CUTA: variants seen among roughly 807,000 people sequenced by gnomAD.
The protein encoded by CUTA is protein CutA.
Under a neutral mutation model 20.7 loss-of-function variants are expected in CUTA, and 21 were observed. The ratio of observed to expected loss-of-function variants is 1.01; its 90% CI spans 0.72 to 1.46. The LOEUF is 1.46. Among genes scored for constraint, CUTA ranks in the 40% most tolerant of loss-of-function variants. CUTA has a pLI of 0.00. For synonymous variants in CUTA, 99 were observed against 97.9 expected (o/e 1.01, Z -0.07); for missense variants, 231 against 226.8 (o/e 1.02, Z -0.12).
At chr6:33,416,868 A>T in intron 5 of CUTA, 52 bp downstream of exon 5, 1 of 1,610,346 alleles carries the variant, frequency 6.2e-7, no homozygotes, top group South Asian at 1.1e-5. Context: ...CTGCCCAGCA[A>T]GTCACACCCA....
rs753472290 is a variant in CUTA, at chr6:33,416,635, C to T, written c.*15G>A. On this transcript the variant is annotated 3_prime_UTR_variant, in exon 6 of 6. Coordinates refer to ENST00000488034, the MANE Select transcript of CUTA (RefSeq NM_001014840.2). ...GTATCGCGGGGATCTTCATGATGAGCAGGAACAGGGCTCATCATGGCAGGA... is the reference window on the plus strand; with the variant it reads ...GTATCGCGGGGATCTTCATGATGAGTAGGAACAGGGCTCATCATGGCAGGA... 11 of 1,427,172 alleles carry T rather than the reference C, an allele frequency of 7.7e-6. No individual in the cohort carries two copies. In the African/African-American group the frequency reaches 8.4e-5, roughly 11 times the overall value. 88.4% of individuals were successfully genotyped at this position (1,427,172 alleles called of 1,614,324 possible). A position where few individuals can be genotyped will look rare whatever the true frequency, so the allele number is the denominator to read the frequency against.
chr6:33,417,075 G>A, intron 4 of CUTA, 22 bp downstream of exon 4: 1 of 1,611,502 alleles, frequency 6.2e-7, no homozygotes, highest in Non-Finnish European at 8.5e-7. Context: ...ATATTTTGTT[G>A]GGTGGGGGAA....
rs144359180 is a variant in CUTA at position 33,416,737 on chromosome 6, C to T, written c.453G>A (p.Leu151=). ...ACGGAAAGTTCCCCTGTTCCACAGG[C>T]AATGCAATTACCTCGGCCACTTCGT... ...HPYEVAEVIA[L]PVEQGNFPYL... Residue 151 remains leucine (L), a synonymous_variant, in exon 6 of 6, where the codon TTG becomes TTA. Coordinates refer to ENST00000488034, the MANE Select transcript of CUTA (RefSeq NM_001014840.2). The T allele has an allele frequency of 1.9e-5, 30 of 1,613,970 alleles. No individual in the cohort carries two copies. Among genetic ancestry groups the T allele is most frequent in the Middle Eastern group, 1.6e-4 (1 of 6,084 alleles).
In CUTA at chr6:33,417,146, A is replaced by G; in HGVS notation, c.318-4T>C. 1 of 1,611,578 alleles carries G rather than the reference A, an allele frequency of 6.2e-7. No individual in the cohort carries two copies. The highest frequency in any genetic ancestry group is 1.1e-5 in the South Asian group (1 of 90,924). On this transcript the variant is annotated splice_polypyrimidine_tract_variant and splice_region_variant and intron_variant, in intron 3 of 5. Coordinates refer to ENST00000488034, the MANE Select transcript of CUTA (RefSeq NM_001014840.2). The stretch of plus-strand genomic sequence containing the variant: ...GATCTTCCCTTTCCACTCATAGCTG[A>G]AAGGTCAGAGGGGGAGAGTTGTGGG...
Position 33,416,469 on chromosome 6 carries a change from G to T in CUTA, c.*181C>A. On this transcript the variant is annotated 3_prime_UTR_variant, in exon 6 of 6. Coordinates refer to ENST00000488034, the MANE Select transcript of CUTA (RefSeq NM_001014840.2). Reference sequence around the variant, plus strand: ...GCAGCTCTGAGTCATTCTGAAAGATGTAGAGAATACAGGGACTAGAAGCAC... The same window carrying T: ...GCAGCTCTGAGTCATTCTGAAAGATTTAGAGAATACAGGGACTAGAAGCAC... 1.7e-6 allele frequency: 1 copy of T among 604,932 alleles called. No individual in the cohort carries two copies. The allele number at this position is 604,932 out of a possible 1,614,324, so 37.5% of individuals were successfully genotyped here.
Position 33,417,550 on chromosome 6 carries a change from T to C in CUTA, c.188A>G (p.Tyr63Cys). ...PSPASDSGSG[Y>C]VPGSVSAAFV... ...GGCTGCAGAGACCGAGCCCGGAACGTAGCCAGAGCCGGAATCCGAGGCCGG... is the reference window on the plus strand; with the variant it reads ...GGCTGCAGAGACCGAGCCCGGAACGCAGCCAGAGCCGGAATCCGAGGCCGG... The change falls in exon 2 of 6, where the codon TAC becomes TGC. Residue 63 changes from tyrosine to cysteine, a missense_variant. Tyr to Cys is a radical substitution (Grantham distance 194). Coordinates refer to ENST00000488034, the MANE Select transcript of CUTA (RefSeq NM_001014840.2). The C allele has an allele frequency of 6.2e-7, 1 of 1,614,136 alleles. No individual in the cohort carries two copies. Among genetic ancestry groups the C allele is most frequent in the Non-Finnish European group, 8.5e-7 (1 of 1,180,042 alleles).
At chr6:33,416,838 C>A in intron 5 of CUTA, 62 bp from the exon 6 acceptor site, 2 of 1,605,878 alleles carry the variant, frequency 1.2e-6, no homozygotes, top group East Asian at 2.2e-5. Context: ...GAACCCACTC[C>A]CTTACACGCA....
At position 33,418,098 on chromosome 6, in the gene CUTA, C is replaced by T; in HGVS notation, c.-98G>A. On this transcript the variant is annotated 5_prime_UTR_variant, in exon 1 of 6. Transcript: ENST00000488034. The surrounding 1 kb of genome is among the most constrained non-coding windows in gnomAD (Gnocchi z 5.7). ...CGGCCTCTTCTTACCTGGGTGGCAG[C>T]CACGTGATTAGAAAACAGCGCGCAC... The T allele has an allele frequency of 6.2e-7, 1 of 1,614,066 alleles. No homozygotes were observed. Among genetic ancestry groups the T allele is most frequent in the South Asian group, 1.1e-5 (1 of 91,072 alleles).
At chr6:33,416,992 G>A in intron 4 of CUTA, 23 bp from the exon 5 acceptor site, 2 of 1,613,870 alleles carry the variant, frequency 1.2e-6, no homozygotes, top group Non-Finnish European at 1.7e-6. Flanking sequence ...GATAAACATG[G>A]TTGAATCAAG....
In CUTA at chr6:33,417,440, C is replaced by T. The variant is rs978326041; in HGVS notation, c.257+41G>A. On this transcript the variant is annotated intron_variant, in intron 2 of 5. Transcript: ENST00000488034. The stretch of plus-strand genomic sequence containing the variant: ...TCTTCTGCCCCACCCCCAACTGTCC[C>T]TTCATGATCATCCTTTCTCGCTGCA... The T allele has an allele frequency of 3.7e-6, 6 of 1,613,164 alleles. No individual in the cohort carries two copies. The African/African-American group carries it at 4.0e-5, about 11-fold the overall frequency.
At position 33,416,512 on chromosome 6, in the gene CUTA, A is replaced by G; in HGVS notation, c.*138T>C. The stretch of plus-strand genomic sequence containing the variant: ...AGAAGCACTTATATTCTCCCAACAA[A>G]TTTGCATACATGACAAAAAACAGGC... On this transcript the variant is annotated 3_prime_UTR_variant, in exon 6 of 6. Transcript: ENST00000488034. 1 of 682,520 alleles carries G rather than the reference A, an allele frequency of 1.5e-6. No individual in the cohort carries two copies. The highest frequency in any genetic ancestry group is 2.7e-6 in the Non-Finnish European group (1 of 371,550). The allele number at this position is 682,520 out of a possible 1,614,324, so 42.3% of individuals were successfully genotyped here. A position where few individuals can be genotyped will look rare whatever the true frequency, so the allele number is the denominator to read the frequency against.
At chr6:33,416,887 A>G in intron 5 of CUTA, 33 bp downstream of exon 5, 1 of 1,613,280 alleles carries the variant, frequency 6.2e-7, no homozygotes, top group Non-Finnish European at 8.5e-7. Context: ...CACACAGTAC[A>G]CACCCTCACC....
Position 33,418,013 on chromosome 6 carries a change from G to T in CUTA, c.-13C>A, listed in dbSNP as rs1372414521. 4 of 1,613,914 alleles carry T rather than the reference G, an allele frequency of 2.5e-6. No homozygotes were observed. Among genetic ancestry groups the T allele is most frequent in the Non-Finnish European group, 2.5e-6 (3 of 1,179,894 alleles). On this transcript the variant is annotated 5_prime_UTR_variant, in exon 1 of 6. Coordinates refer to ENST00000488034, the MANE Select transcript of CUTA (RefSeq NM_001014840.2). The surrounding 1 kb of genome is among the most constrained non-coding windows in gnomAD (Gnocchi z 5.7). ...GCCCCCCACTCATGCGGCCTACGCT[G>T]GTACAGGAGAGTTGATCTCAAAGGC...
At position 33,416,537 on chromosome 6, in the gene CUTA, C is replaced by G. The variant is rs1027165249; in HGVS notation, c.*113G>C. ...ATTTGCATACATGACAAAAAACAGG[C>G]AAAAGGCAGAGAGACCCAAAGACGG... On this transcript the variant is annotated 3_prime_UTR_variant, in exon 6 of 6. Transcript: ENST00000488034. The G allele has an allele frequency of 1.4e-6, 1 of 734,232 alleles. No homozygotes were observed. The highest frequency in any genetic ancestry group is 1.8e-5 in the African/African-American group (1 of 56,960). 45.5% of individuals were successfully genotyped at this position (734,232 alleles called of 1,614,324 possible).
rs752400963 is a variant in CUTA, at chr6:33,416,819, T to C, written c.414-43A>G. 8.1e-6 allele frequency: 13 copies of C among 1,608,380 alleles called. No homozygotes were observed. In the East Asian group the frequency reaches 2.5e-4, roughly 30 times the overall value. ...GGGGGAAGGGGATCACTCAAAGATT[T>C]ACCCAAAAGAACCCACTCCCTTACA... is the stretch of plus-strand genomic sequence containing the variant. On this transcript the variant is annotated intron_variant, in intron 5 of 5. Coordinates refer to ENST00000488034, the MANE Select transcript of CUTA (RefSeq NM_001014840.2).
rs763699860 is a variant in CUTA, at chr6:33,417,570, G to C, written c.168C>G (p.Ala56=). The change falls in exon 2 of 6, where the codon GCC becomes GCG. Residue 56 remains alanine, a synonymous_variant. Coordinates refer to ENST00000488034, the MANE Select transcript of CUTA (RefSeq NM_001014840.2). ...GAACGTAGCCAGAGCCGGAATCCGA[G>C]GCCGGCGAGGGCTGGGTCGGAGGGC... The part of the protein sequence containing the change: ...SGSPPTQPSP[A]SDSGSGYVPG... 5.0e-6 allele frequency: 8 copies of C among 1,614,172 alleles called. No individual in the cohort carries two copies. Among genetic ancestry groups the C allele is most frequent in the Non-Finnish European group, 6.8e-6 (8 of 1,180,044 alleles).
chr6:33,416,560 C>T lies in CUTA; in HGVS notation c.*90G>A, dbSNP rs1337213550. On this transcript the variant is annotated 3_prime_UTR_variant, in exon 6 of 6. Coordinates refer to ENST00000488034, the MANE Select transcript of CUTA (RefSeq NM_001014840.2). ...GGCAAAAGGCAGAGAGACCCAAAGA[C>T]GGGATTTATTGGGGGCCCAGTCATC... 1.8e-5 allele frequency: 15 copies of T among 815,638 alleles called. No individual in the cohort carries two copies. Among genetic ancestry groups the T allele is most frequent in the African/African-American group, 3.4e-5 (2 of 58,794 alleles). The allele number at this position is 815,638 out of a possible 1,614,324, so 50.5% of individuals were successfully genotyped here.
chr6:33,416,544 CAG>C lies in CUTA; in HGVS notation c.*104_*105del, dbSNP rs1023285359. On this transcript the variant is annotated 3_prime_UTR_variant, in exon 6 of 6. Transcript: ENST00000488034. ...TACATGACAAAAAACAGGCAAAAGG[CAG>C]AGAGACCCAAAGACGGGATTTATTG... The C allele has an allele frequency of 5.3e-6, 4 of 756,310 alleles. No homozygotes were observed. Among genetic ancestry groups the C allele is most frequent in the African/African-American group, 5.2e-5 (3 of 57,548 alleles). The allele number at this position is 756,310 out of a possible 1,614,324, so 46.8% of individuals were successfully genotyped here.
chr6:33,417,845 A>G, intron 1 of CUTA, 114 bp downstream of exon 1: 1 of 1,546,658 alleles, frequency 6.5e-7, no homozygotes, highest in Non-Finnish European at 8.7e-7. Context: ...CTTGGAAAAT[A>G]AAGCAAAAGC....
Sources: allele counts gnomAD v4.1 joint callset, GRCh38; gene constraint gnomAD v4.1.1; non-coding constraint Gnocchi (gnomAD v3.1); transcripts MANE v1.5; gene names NCBI Gene and HGNC (gene_info 2026-07-23, HGNC 2026-07-21).